MARCHF1: variants seen among roughly 807,000 people sequenced by gnomAD.
MARCHF1 encodes the protein membrane associated ring-CH-type finger 1.
MARCHF1 carries 40 observed loss-of-function variants against 54.2 expected under a neutral mutation model. The ratio of observed to expected loss-of-function variants is 0.74; its 90% confidence interval spans 0.57 to 0.96. The LOEUF (loss-of-function observed/expected upper bound fraction) is 0.96. MARCHF1 is among the 40% of genes least tolerant of loss of function. MARCHF1 has a pLI of 0.00. For synonymous variants in MARCHF1, 236 were observed against 236.3 expected, an observed-to-expected ratio of 1.00 and a Z score of 0.01; for missense variants, 586 against 656.5, an observed-to-expected ratio of 0.89 and a Z score of 1.17.
At chr4:163,859,200 T>G (rs1203372079) in intron 3 of MARCHF1, among the ~76,000 whole-genome samples, 1 of 152,056 alleles carries the variant, frequency 6.6e-6, no homozygotes, top group Admixed American at 6.5e-5. Context: ...TTTAAAAAAT[T>G]TTGCCTCTAC....
intron 3 of MARCHF1, among the ~76,000 whole-genome samples, chr4:163,868,070 T>C (rs1215788773): frequency 6.6e-6 from 1 of 151,932 alleles, no homozygotes; most frequent in Admixed American, 6.6e-5. Context: ...TAGTTGTTAA[T>C]TTTCTGCCTC....
At chr4:163,631,614 A>G (rs1349101773) in intron 5 of MARCHF1, among the ~76,000 whole-genome samples, 1 of 73,938 alleles carries the variant, frequency 1.4e-5, no homozygotes, top group Admixed American at 1.3e-4. Context: ...TTGCCTAAGA[A>G]TAAGTTTCAG....
intron 1 of MARCHF1, among the ~76,000 whole-genome samples, chr4:164,232,617 CA>C (rs1560965349): frequency 6.6e-6 from 1 of 152,116 alleles, no homozygotes; most frequent in African/African-American, 2.4e-5. Context: ...TAATGTATTT[CA>C]CATGTGGTTA....
chr4:164,348,501 G>A (rs997868738), intron 1 of MARCHF1, among the ~76,000 whole-genome samples: 17 of 152,142 alleles, frequency 1.1e-4, no homozygotes, highest in African/African-American at 4.1e-4. Context: ...TTATTTGTAA[G>A]TAGATGTTGC....
At chr4:163,742,734 T>C (rs1195392887) in intron 4 of MARCHF1, among the ~76,000 whole-genome samples, 1 of 152,090 alleles carries the variant, frequency 6.6e-6, no homozygotes, top group Admixed American at 6.5e-5. Context: ...CACCCGGACC[T>C]CCCAGTGTGT....
intron 8 of MARCHF1, chr4:163,584,748 A>C (rs747645823): frequency 1.3e-5 from 2 of 152,176 alleles, no homozygotes; most frequent in Non-Finnish European, 2.9e-5. Flanking sequence ...ATGTGCTAGA[A>C]TATTCTTATT....
At chr4:164,173,445 G>A (rs570933187) in intron 1 of MARCHF1, among the ~76,000 whole-genome samples, 74 of 152,266 alleles carry the variant, frequency 4.9e-4, no homozygotes, top group African/African-American at 1.6e-3. Flanking sequence ...CAGACAAATT[G>A]TTAGATTAAA....
At chr4:163,882,855 T>C (rs1275257818) in intron 3 of MARCHF1, among the ~76,000 whole-genome samples, 3 of 152,078 alleles carry the variant, frequency 2.0e-5, no homozygotes, top group East Asian at 1.9e-4. Context: ...TGCATGTCTG[T>C]AGTCCCAGCT....
intron 1 of MARCHF1, among the ~76,000 whole-genome samples, chr4:164,236,903 A>G (rs1344803007): frequency 6.6e-6 from 1 of 152,120 alleles, no homozygotes; most frequent in Non-Finnish European, 1.5e-5. Context: ...GCTTCCTCCA[A>G]TTTGAGCCTT....
chr4:164,019,040 T>A (rs1369816561), intron 2 of MARCHF1, among the ~76,000 whole-genome samples: 4 of 152,228 alleles, frequency 2.6e-5, no homozygotes, highest in African/African-American at 9.6e-5. Flanking sequence ...CTCTGTATCC[T>A]GGGGCTGATT....
chr4:163,643,639 C>T (rs1251626403), intron 5 of MARCHF1, among the ~76,000 whole-genome samples: 1 of 152,088 alleles, frequency 6.6e-6, no homozygotes, highest in African/African-American at 2.4e-5. Context: ...AAATGATTCC[C>T]AAATATCAAC....
At chr4:164,070,055 G>A (rs1388381214) in intron 2 of MARCHF1, among the ~76,000 whole-genome samples, 1 of 152,136 alleles carries the variant, frequency 6.6e-6, no homozygotes, top group East Asian at 1.9e-4. Context: ...TTAAATGGGA[G>A]CTAAACATGG....
intron 3 of MARCHF1, among the ~76,000 whole-genome samples, chr4:163,902,303 T>C (rs1750961328): frequency 6.6e-6 from 1 of 152,152 alleles, no homozygotes; most frequent in African/African-American, 2.4e-5. Flanking sequence ...TAATTAAATA[T>C]TAAGAAGGCA....
intron 3 of MARCHF1, among the ~76,000 whole-genome samples, chr4:163,984,747 G>A (rs1009205922): frequency 6.6e-6 from 1 of 152,044 alleles, no homozygotes; most frequent in Non-Finnish European, 1.5e-5. Flanking sequence ...CCCAAATCTC[G>A]AATGTGAATT....
chr4:163,885,035 A>G (rs1488426992), intron 3 of MARCHF1, among the ~76,000 whole-genome samples: 2 of 152,204 alleles, frequency 1.3e-5, no homozygotes, highest in East Asian at 3.8e-4. Flanking sequence ...TCTCCAAAAT[A>G]GAATAAGCAA....
At chr4:164,303,843 TAA>T (rs1734627830) in intron 1 of MARCHF1, among the ~76,000 whole-genome samples, 1 of 152,020 alleles carries the variant, frequency 6.6e-6, no homozygotes, top group South Asian at 2.1e-4. Flanking sequence ...AGAAACAAAA[TAA>T]AGAGACATTT....
chr4:163,548,957 T>C (rs1739005020), intron 8 of MARCHF1, among the ~76,000 whole-genome samples: 1 of 152,224 alleles, frequency 6.6e-6, no homozygotes, highest in Admixed American at 6.5e-5. Flanking sequence ...TGATAATCTG[T>C]GAAACTTTTC....
At chr4:163,930,646 G>A (rs1458516771) in intron 3 of MARCHF1, among the ~76,000 whole-genome samples, 1 of 152,008 alleles carries the variant, frequency 6.6e-6, no homozygotes, top group Non-Finnish European at 1.5e-5. Flanking sequence ...GTTTTTACAA[G>A]TTTATAGCTG....
chr4:164,043,227 G>A (rs1284895765), intron 2 of MARCHF1, among the ~76,000 whole-genome samples: 1 of 152,174 alleles, frequency 6.6e-6, no homozygotes, highest in Admixed American at 6.5e-5. Context: ...CCATAGTAAA[G>A]GTTCTCCATG....
Sources: gnomAD v4.1 joint callset for allele counts (sites outside exome capture counted in the v4.1 genomes callset) on GRCh38, gnomAD v4.1.1 for gene constraint, MANE v1.5 for transcripts, NCBI Gene and HGNC (gene_info 2026-07-23, HGNC 2026-07-21) for gene names.